COMMD1: variants seen among roughly 807,000 people sequenced by gnomAD.
COMMD1 encodes the protein copper metabolism domain containing 1, also known as COMM domain-containing protein 1.
In COMMD1, 10 loss-of-function variants were observed where a neutral mutation model predicts 17.2. That is an observed-to-expected ratio of 0.58 (90% CI 0.36 to 0.99). The LOEUF (loss-of-function observed/expected upper bound fraction) is 0.99, where lower values mean the gene tolerates loss of function less well. COMMD1 is among the 50% of genes least tolerant of loss of function. The pLI, the probability that COMMD1 is intolerant of heterozygous loss-of-function variation, is 0.01. For missense variants in COMMD1, 270 were observed against 231.8 expected (o/e 1.17, Z -1.07); for synonymous variants, 97 against 91.6 (o/e 1.06, Z -0.34).
At chr2:61,958,930 G>C (rs1253757623) in intron 1 of COMMD1, among the ~76,000 whole-genome samples, 1 of 151,854 alleles carries the variant, frequency 6.6e-6, no homozygotes, top group East Asian at 1.9e-4. Flanking sequence ...TATTTATTCG[G>C]GCCTTTTCTC....
At chr2:62,085,452 C>G (rs1163552468) in intron 2 of COMMD1, among the ~76,000 whole-genome samples, 2 of 151,896 alleles carry the variant, frequency 1.3e-5, no homozygotes, top group Non-Finnish European at 2.9e-5. Context: ...CTCCTGACCT[C>G]GTGATCCACT....
chr2:61,933,709 G>A (rs1307976309), intron 1 of COMMD1, among the ~76,000 whole-genome samples: 1 of 152,020 alleles, frequency 6.6e-6, no homozygotes, highest in Non-Finnish European at 1.5e-5. Context: ...CCAGTCTCAG[G>A]TATTCAGTTA....
intron 2 of COMMD1, among the ~76,000 whole-genome samples, chr2:62,134,554 A>T (rs893453368): frequency 3.3e-5 from 5 of 151,100 alleles, no homozygotes; most frequent in Admixed American, 6.6e-5. Context: ...TAACTCAGAG[A>T]TCTTATGACT....
intron 2 of COMMD1, among the ~76,000 whole-genome samples, chr2:62,103,790 T>C (rs900292742): frequency 6.6e-6 from 1 of 152,204 alleles, no homozygotes; most frequent in Non-Finnish European, 1.5e-5. Context: ...TGGAACCTTA[T>C]ATCATCTATA....
chr2:61,974,688 A>AG (rs1671745732), intron 1 of COMMD1, among the ~76,000 whole-genome samples: 1 of 151,920 alleles, frequency 6.6e-6, no homozygotes, highest in Non-Finnish European at 1.5e-5. Flanking sequence ...AAAAAAAAAA[A>AG]AAAGTTTGTT....
intron 1 of COMMD1, among the ~76,000 whole-genome samples, chr2:61,948,451 T>G (rs565909510): frequency 1.3e-5 from 2 of 152,340 alleles, no homozygotes; most frequent in East Asian, 3.9e-4. Flanking sequence ...AATGGAGCTC[T>G]TTTATTAATT....
chr2:61,953,987 A>T (rs1438391867), intron 1 of COMMD1, among the ~76,000 whole-genome samples: 1 of 152,102 alleles, frequency 6.6e-6, no homozygotes, highest in Non-Finnish European at 1.5e-5. Flanking sequence ...TGGGAGGCTA[A>T]GGTGGGCGAA....
chr2:61,965,378 C>T (rs1209115630), intron 1 of COMMD1, among the ~76,000 whole-genome samples: 1 of 152,132 alleles, frequency 6.6e-6, no homozygotes, highest in Non-Finnish European at 1.5e-5. Context: ...TTTGGATTAA[C>T]AGTGTGATCT....
chr2:62,135,597 C>T (rs1309187359), intron 2 of COMMD1, among the ~76,000 whole-genome samples: 7 of 152,004 alleles, frequency 4.6e-5, no homozygotes, highest in Admixed American at 1.3e-4. Flanking sequence ...GTGATCTGCC[C>T]GCCTCGGCCT....
chr2:62,078,455 A>G lies in COMMD1; in HGVS notation c.463-57376A>G, dbSNP rs556917773. ...GTAATCCCAGCCACTCGGGAGGCTG[A>G]GGCAGGAGAATGGCGTGAACCCAGG... On this transcript the variant is annotated intron_variant, in intron 2 of 2. Transcript: ENST00000311832. 5.4e-5 allele frequency among the ~76,000 whole-genome samples: 8 copies of G among 148,126 alleles called. No homozygotes were observed. The Admixed American group carries it at 5.4e-4, about 10-fold the overall frequency.
At chr2:62,085,221 A>ATTTT (rs36006181) in intron 2 of COMMD1, among the ~76,000 whole-genome samples, 1 of 144,414 alleles carries the variant, frequency 6.9e-6, no homozygotes, top group Non-Finnish European at 1.5e-5. Flanking sequence ...TACAGTTTGA[A>ATTTT]TTTTTTTTTT....
intron 1 of COMMD1, among the ~76,000 whole-genome samples, chr2:61,983,189 A>AT (rs1295410552): frequency 0.01 from 1,373 of 132,810 alleles, 13 homozygotes; most frequent in African/African-American, 0.022. Flanking sequence ...TTATCATGGC[A>AT]TTTTTTTTTT....
intron 2 of COMMD1, among the ~76,000 whole-genome samples, chr2:62,018,619 T>TA (rs956233141): frequency 2.6e-5 from 4 of 152,156 alleles, no homozygotes; most frequent in Admixed American, 2.6e-4. Context: ...ATTTAAGGCG[T>TA]AAAAAAACTC....
chr2:61,953,280 T>A (rs1337444790), intron 1 of COMMD1, among the ~76,000 whole-genome samples: 1 of 152,182 alleles, frequency 6.6e-6, no homozygotes, highest in African/African-American at 2.4e-5. Flanking sequence ...AACGTGCTGC[T>A]GGGATTACAG....
intron 2 of COMMD1, among the ~76,000 whole-genome samples, chr2:62,120,685 TTCAG>T (rs1364244555): frequency 6.6e-6 from 1 of 152,164 alleles, no homozygotes; most frequent in Non-Finnish European, 1.5e-5. Flanking sequence ...CCAAATTTCT[TTCAG>T]TCAAAGTTTT....
intron 2 of COMMD1, among the ~76,000 whole-genome samples, chr2:62,021,472 A>G (rs1286024484): frequency 6.6e-6 from 1 of 152,170 alleles, no homozygotes; most frequent in Non-Finnish European, 1.5e-5. Flanking sequence ...AAGCAAATGA[A>G]AAAAGACTGA....
At chr2:61,910,620 T>A (rs1340682526) in intron 1 of COMMD1, among the ~76,000 whole-genome samples, 2 of 152,200 alleles carry the variant, frequency 1.3e-5, no homozygotes, top group African/African-American at 2.4e-5. Flanking sequence ...GTTTGCGTGA[T>A]CTTTATTGCT....
At chr2:61,943,305 C>G (rs1300863227) in intron 1 of COMMD1, among the ~76,000 whole-genome samples, 2 of 152,082 alleles carry the variant, frequency 1.3e-5, no homozygotes, top group Non-Finnish European at 2.9e-5. Flanking sequence ...GTCATGAAAC[C>G]AAACAGGGTG....
At chr2:62,097,905 G>A (rs1672055840) in intron 2 of COMMD1, among the ~76,000 whole-genome samples, 1 of 152,190 alleles carries the variant, frequency 6.6e-6, no homozygotes, top group South Asian at 2.1e-4. Context: ...TTCCCTCAGA[G>A]CATCCCTATT....
Sources: gnomAD v4.1 joint callset for allele counts (sites outside exome capture counted in the v4.1 genomes callset) on GRCh38, gnomAD v4.1.1 for gene constraint, MANE v1.5 for transcripts, NCBI Gene and HGNC (gene_info 2026-07-23, HGNC 2026-07-21) for gene names.